The following CENPP variants were observed in gnomAD, a reference collection of about 807,000 sequenced individuals.
CENPP encodes centromere protein P.
In CENPP, 24 loss-of-function variants were observed where a neutral mutation model predicts 35.6. That is an observed-to-expected ratio of 0.67 (90% CI 0.49 to 0.95). The LOEUF (loss-of-function observed/expected upper bound fraction) is 0.95, where lower values mean the gene tolerates loss of function less well. Among genes scored for constraint, CENPP ranks in the 40% least tolerant of loss-of-function variants. The pLI is 0.00. For missense variants in CENPP, 332 were observed against 345.3 expected (o/e 0.96, Z 0.31); for synonymous variants, 120 against 125.5 (o/e 0.96, Z 0.29).
chr9:92,595,596 C>T (rs569138500), intron 5 of CENPP, among the ~76,000 whole-genome samples: 2 of 151,240 alleles, frequency 1.3e-5, no homozygotes, highest in South Asian at 2.1e-4. Flanking sequence ...CATGGAGTCT[C>T]GCTCTGTCGC....
At position 92,547,358 on chromosome 9, in the gene CENPP, T is replaced by A. The variant is rs559353229; in HGVS notation, c.565-63956T>A. On this transcript the variant is annotated intron_variant, in intron 5 of 7. Coordinates refer to ENST00000375587, the MANE Select transcript of CENPP (RefSeq NM_001012267.3). The stretch of plus-strand genomic sequence containing the variant: ...CACATGAAAACTTGAGGACAATTGT[T>A]CATTGCTACACTATTCATAACAGCT... Among the ~76,000 whole-genome samples the A allele has an allele frequency of 2.0e-5, 3 of 152,352 alleles. No homozygotes were observed. In the South Asian group the frequency reaches 6.2e-4, roughly 32 times the overall value.
intron 5 of CENPP, among the ~76,000 whole-genome samples, chr9:92,539,804 G>T (rs1398893451): frequency 6.6e-6 from 1 of 152,126 alleles, no homozygotes; most frequent in Non-Finnish European, 1.5e-5. Context: ...ACATTTAAGT[G>T]GAGTAATGAT....
chr9:92,366,232 A>C (rs1841886757), intron 4 of CENPP, among the ~76,000 whole-genome samples: 1 of 152,060 alleles, frequency 6.6e-6, no homozygotes, highest in Non-Finnish European at 1.5e-5. Flanking sequence ...CATTCTAAAA[A>C]CTTATATATT....
chr9:92,420,030 C>G (rs2130966460), intron 5 of CENPP, among the ~76,000 whole-genome samples: 1 of 152,248 alleles, frequency 6.6e-6, no homozygotes, highest in East Asian at 1.9e-4. Context: ...AGTAGTTATT[C>G]AGGTAGAGTC....
intron 5 of CENPP, among the ~76,000 whole-genome samples, chr9:92,532,161 C>T (rs767747813): frequency 5.3e-5 from 8 of 150,854 alleles, no homozygotes; most frequent in Non-Finnish European, 7.4e-5. Flanking sequence ...ACACCCGGCT[C>T]GAAGATACAA....
intron 5 of CENPP, among the ~76,000 whole-genome samples, chr9:92,578,067 G>C (rs1850328753): frequency 6.6e-6 from 1 of 150,810 alleles, no homozygotes. Context: ...TTTTGTTCTT[G>C]CAATAGTTTA....
chr9:92,407,813 A>C (rs1346024949), intron 5 of CENPP, among the ~76,000 whole-genome samples: 1 of 152,042 alleles, frequency 6.6e-6, no homozygotes, highest in Non-Finnish European at 1.5e-5. Flanking sequence ...GGGTCCTCTT[A>C]TGTTACCCAG....
intron 5 of CENPP, among the ~76,000 whole-genome samples, chr9:92,592,318 G>A (rs1008052754): frequency 2.0e-5 from 3 of 152,100 alleles, no homozygotes; most frequent in African/African-American, 4.8e-5. Flanking sequence ...AGCCCAGGGC[G>A]AGCACTGCTG....
At chr9:92,481,201 T>C (rs548084538) in intron 5 of CENPP, among the ~76,000 whole-genome samples, 1 of 152,360 alleles carries the variant, frequency 6.6e-6, no homozygotes, top group African/African-American at 2.4e-5. Context: ...GTTATCAGAA[T>C]ATTTGTTTTT....
At chr9:92,494,119 C>A in intron 5 of CENPP, 2 of 1,597,900 alleles carry the variant, frequency 1.3e-6, no homozygotes, top group South Asian at 2.2e-5. Flanking sequence ...ATCTGTTTGT[C>A]ACTGTCTCTA....
intron 5 of CENPP, among the ~76,000 whole-genome samples, chr9:92,483,403 G>T (rs1451754898): frequency 2.0e-5 from 3 of 151,960 alleles, no homozygotes; most frequent in East Asian, 1.9e-4. Context: ...TAATTTTTTG[G>T]TTTTTTAATA....
intron 5 of CENPP, among the ~76,000 whole-genome samples, chr9:92,590,741 C>A (rs537452902): frequency 6.6e-6 from 1 of 152,332 alleles, no homozygotes; most frequent in African/African-American, 2.4e-5. Flanking sequence ...CTTCAACTGT[C>A]ATTTAAATGT....
At chr9:92,470,248 T>G (rs374337860) in intron 5 of CENPP, among the ~76,000 whole-genome samples, 1 of 152,198 alleles carries the variant, frequency 6.6e-6, no homozygotes, top group African/African-American at 2.4e-5. Flanking sequence ...CATACATGTA[T>G]ATATTAATCA....
rs754395031 is a variant in CENPP, at chr9:92,457,528, A to G, written c.564+77669A>G. ...AAGAAAGGATTAAAAATACCCAGTA[A>G]ATGTAAACGGAAGATACTCTGTAGT... is the stretch of plus-strand genomic sequence containing the variant. On this transcript the variant is annotated intron_variant, in intron 5 of 7. Transcript: ENST00000375587. 12 of 1,407,376 alleles carry G rather than the reference A, an allele frequency of 8.5e-6. No individual in the cohort carries two copies. In the South Asian group the frequency reaches 1.3e-4, roughly 15 times the overall value. 87.2% of individuals were successfully genotyped at this position (1,407,376 alleles called of 1,614,324 possible).
At chr9:92,588,609 A>T (rs1850597407) in intron 5 of CENPP, among the ~76,000 whole-genome samples, 1 of 151,856 alleles carries the variant, frequency 6.6e-6, no homozygotes, top group Non-Finnish European at 1.5e-5. Context: ...CCATCACCTA[A>T]CCCCCAGGAT....
chr9:92,353,133 A>C (rs139050521), intron 4 of CENPP, among the ~76,000 whole-genome samples: 21 of 152,350 alleles, frequency 1.4e-4, no homozygotes, highest in Non-Finnish European at 2.5e-4. Context: ...CATATGTCAC[A>C]TGATAAAGGA....
chr9:92,417,014 A>C, intron 5 of CENPP: 1 of 1,614,114 alleles, frequency 6.2e-7, no homozygotes, highest in Non-Finnish European at 8.5e-7. Context: ...TAGCCCATCC[A>C]TAGCATTTGT....
intron 5 of CENPP, among the ~76,000 whole-genome samples, chr9:92,585,554 G>A (rs189664098): frequency 3.0e-4 from 46 of 152,276 alleles, no homozygotes; most frequent in Admixed American, 9.8e-4. Context: ...TGTATGGCAA[G>A]CTTATGTTTA....
At chr9:92,437,647 C>T (rs544436014) in intron 5 of CENPP, among the ~76,000 whole-genome samples, 6 of 152,096 alleles carry the variant, frequency 3.9e-5, no homozygotes, top group Admixed American at 6.5e-5. Context: ...TGGGCTTAAG[C>T]GATCCACTCT....
Sources: allele counts gnomAD v4.1 joint callset (sites outside exome capture counted in the v4.1 genomes callset), GRCh38; gene constraint gnomAD v4.1.1; transcripts MANE v1.5; gene names NCBI Gene and HGNC (gene_info 2026-07-23, HGNC 2026-07-21).